The following PDE1A variants were observed in gnomAD, a reference collection of about 807,000 sequenced individuals.
PDE1A encodes phosphodiesterase 1A.
A neutral mutation model predicts 61.7 loss-of-function variants in PDE1A; 35 were observed. That is an observed-to-expected ratio of 0.57 (90% CI 0.43 to 0.75). The LOEUF (loss-of-function observed/expected upper bound fraction) is 0.75. Among genes scored for constraint, PDE1A ranks in the 30% least tolerant of loss-of-function variants. PDE1A has a pLI of 0.00. For synonymous variants in PDE1A, 232 were observed against 213.2 expected, an observed-to-expected ratio of 1.09 and a Z score of -0.77; for missense variants, 597 against 630.6, an observed-to-expected ratio of 0.95 and a Z score of 0.57.
At chr2:182,613,127 T>C in the PDE1A span, among the ~76,000 whole-genome samples, 154 of 152,358 alleles carry the variant, frequency 1.0e-3, no homozygotes, top group Non-Finnish European at 1.9e-3. Flanking sequence ...CATTTTTATC[T>C]CTGTTATCAG....
At position 182,514,618 on chromosome 2, in the gene PDE1A, G is replaced by A. The variant is rs912563113; in HGVS notation, c.101+7658C>T. Among the ~76,000 whole-genome samples, 3 of 152,254 alleles carry A rather than the reference G, an allele frequency of 2.0e-5. No individual in the cohort carries two copies. In the East Asian group the frequency reaches 5.8e-4, roughly 29 times the overall value. ...TGCTGAGATAACTGGCTAGTCATAT[G>A]CAGAATATTTAAACTGGACACCTTC... On this transcript the variant is annotated intron_variant, in intron 2 of 14. Coordinates refer to the PDE1A transcript ENST00000410103.
chr2:182,246,397 T>C (rs1471443074), intron 2 of PDE1A, among the ~76,000 whole-genome samples: 1 of 84,508 alleles, frequency 1.2e-5, no homozygotes, highest in African/African-American at 6.3e-5. Context: ...CTTTTTTCTT[T>C]TTTCTTTCTT....
At chr2:182,665,945 T>G in the PDE1A span, among the ~76,000 whole-genome samples, 1 of 152,162 alleles carries the variant, frequency 6.6e-6, no homozygotes, top group African/African-American at 2.4e-5. Context: ...AAGTCATCAT[T>G]CTCAGCAAAC....
At chr2:182,383,320 C>T (rs1208654587) in intron 1 of PDE1A, among the ~76,000 whole-genome samples, 1 of 152,078 alleles carries the variant, frequency 6.6e-6, no homozygotes, top group Non-Finnish European at 1.5e-5. Flanking sequence ...TTTTGCTTTT[C>T]CATTTTATAT....
intron 1 of PDE1A, among the ~76,000 whole-genome samples, chr2:182,405,690 AT>A (rs372986591): frequency 8.5e-5 from 13 of 152,238 alleles, no homozygotes; most frequent in Admixed American, 1.3e-4. Context: ...AAAGGAATAC[AT>A]TTTTTAAGAC....
At chr2:182,438,976 G>A (rs1220139565) in intron 2 of PDE1A, among the ~76,000 whole-genome samples, 1 of 151,946 alleles carries the variant, frequency 6.6e-6, no homozygotes, top group Non-Finnish European at 1.5e-5. Flanking sequence ...GTAACTTGAA[G>A]TAAGGCAAAG....
Position 182,231,063 on chromosome 2 carries a change from A to G in PDE1A, c.486T>C (p.Phe162=), listed in dbSNP as rs753129782. The G allele has an allele frequency of 1.4e-5, 22 of 1,608,204 alleles. No individual in the cohort carries two copies. The Admixed American group carries it at 3.3e-4, about 24-fold the overall frequency. ...ATCTGGTAAACAGTTCATAAATCAT[A>G]AACTTCAGACTATGCTCTCCACTTG... The change falls in exon 5 of 14, where the codon TTT becomes TTC. Residue 162 remains phenylalanine, a synonymous_variant. Transcript: ENST00000351439.
At chr2:182,376,729 G>A (rs1426512758) in intron 1 of PDE1A, among the ~76,000 whole-genome samples, 1 of 152,184 alleles carries the variant, frequency 6.6e-6, no homozygotes, top group East Asian at 1.9e-4. Context: ...CTGATAAAGA[G>A]ATACCTAAGA....
chr2:182,558,543 G>A, the PDE1A span, among the ~76,000 whole-genome samples: 1 of 152,224 alleles, frequency 6.6e-6, no homozygotes, highest in African/African-American at 2.4e-5. Flanking sequence ...AACCAGGACT[G>A]CTACAAGAAG....
intron 1 of PDE1A, among the ~76,000 whole-genome samples, chr2:182,382,821 C>T (rs140650548): frequency 4.6e-5 from 7 of 152,076 alleles, no homozygotes; most frequent in African/African-American, 1.7e-4. Flanking sequence ...ATAGGCTGTA[C>T]TAGAAGATTT....
At chr2:182,601,563 A>G in the PDE1A span, among the ~76,000 whole-genome samples, 1 of 152,204 alleles carries the variant, frequency 6.6e-6, no homozygotes, top group Non-Finnish European at 1.5e-5. Flanking sequence ...TCCTGTGACC[A>G]GGAAGAATGA....
At chr2:182,463,412 C>T (rs930948476) in intron 2 of PDE1A, among the ~76,000 whole-genome samples, 2 of 152,118 alleles carry the variant, frequency 1.3e-5, no homozygotes, top group Non-Finnish European at 2.9e-5. Context: ...ATACTACACA[C>T]GTTATCCCTC....
the PDE1A span, among the ~76,000 whole-genome samples, chr2:182,542,461 T>G: frequency 6.6e-6 from 1 of 152,210 alleles, no homozygotes; most frequent in Admixed American, 6.5e-5. Context: ...TCTTGCATTC[T>G]GTATGAATTA....
At chr2:182,240,168 C>G (rs145482728) in exon 3 of PDE1A, 1 of 1,613,994 alleles carries the variant, frequency 6.2e-7, no homozygotes, top group Non-Finnish European at 8.5e-7. Context: ...TTTGGTTTTT[C>G]CTCAGGTTTC....
At chr2:182,162,963 A>T (rs1246846117), downstream of PDE1A, among the ~76,000 whole-genome samples, 2 of 152,170 alleles carry the variant, frequency 1.3e-5, no homozygotes, top group Non-Finnish European at 2.9e-5. Context: ...AGCTATTAGA[A>T]CTGCCTGTAC....
At chr2:182,169,494 G>GA (rs1368771635) in intron 13 of PDE1A, among the ~76,000 whole-genome samples, 6 of 151,802 alleles carry the variant, frequency 4.0e-5, no homozygotes, top group East Asian at 1.9e-4. Context: ...CACACAGAAA[G>GA]AAAAAAAATC....
the PDE1A span, among the ~76,000 whole-genome samples, chr2:182,679,713 TGAA>T: frequency 6.6e-6 from 1 of 152,218 alleles, no homozygotes; most frequent in East Asian, 1.9e-4. Flanking sequence ...AGCCATTTCA[TGAA>T]GAAGCAGACT....
intron 1 of PDE1A, among the ~76,000 whole-genome samples, chr2:182,333,494 G>A (rs1253060830): frequency 6.6e-6 from 1 of 152,060 alleles, no homozygotes; most frequent in Non-Finnish European, 1.5e-5. Flanking sequence ...GGTAAATAAC[G>A]AAATTAAGGC....
intron 2 of PDE1A, among the ~76,000 whole-genome samples, chr2:182,476,255 C>T (rs1285216795): frequency 2.0e-5 from 3 of 151,758 alleles, no homozygotes; most frequent in African/African-American, 7.3e-5. Flanking sequence ...CTTTGGGAGG[C>T]CAAGATGGGT....
Sources: allele counts gnomAD v4.1 joint callset (sites outside exome capture counted in the v4.1 genomes callset), GRCh38; gene constraint gnomAD v4.1.1; transcripts MANE v1.5; gene names NCBI Gene and HGNC (gene_info 2026-07-23, HGNC 2026-07-21).